Variants in KCNK3 observed in about 807,000 individuals in gnomAD.
KCNK3 encodes potassium two pore domain channel subfamily K member 3.
Under a neutral mutation model 27.3 loss-of-function variants are expected in KCNK3, and 9 were observed. The ratio of observed to expected loss-of-function variants is 0.33; its 90% CI spans 0.20 to 0.57. The LOEUF (loss-of-function observed/expected upper bound fraction) is 0.57. Among genes scored for constraint, KCNK3 ranks in the 20% least tolerant of loss-of-function variants. The pLI, the probability that KCNK3 is intolerant of heterozygous loss-of-function variation, is 0.87. For synonymous variants in KCNK3, 278 were observed against 273.8 expected (o/e 1.02, Z -0.15); for missense variants, 391 against 577.7 (o/e 0.68, Z 3.31).
intron 1 of KCNK3, among the ~76,000 whole-genome samples, chr2:26,724,225 T>C (rs35486562): frequency 0.41 from 62,330 of 152,128 alleles, 14,853 homozygotes; most frequent in Non-Finnish European, 0.53. Flanking sequence ...GGCAATGGGG[T>C]GGGGGGCACC....
Position 26,702,031 on chromosome 2 carries a change from T to G in KCNK3, c.283+8873T>G, listed in dbSNP as rs183748965. Reference sequence around the variant, plus strand: ...TAGGTAAACCTGTGACATGGGGGGGTTTTTGTACAGATTATTTCATCACCG... The same window carrying G: ...TAGGTAAACCTGTGACATGGGGGGGGTTTTGTACAGATTATTTCATCACCG... On this transcript the variant is annotated intron_variant, in intron 1 of 1. Coordinates refer to ENST00000302909, the MANE Select transcript of KCNK3 (RefSeq NM_002246.3). Among the ~76,000 whole-genome samples, 240 of 150,296 alleles carry G rather than the reference T, an allele frequency of 1.6e-3. 1 individual carries two copies. Among genetic ancestry groups the G allele is most frequent in the South Asian group, 4.6e-3 (22 of 4,732 alleles).
chr2:26,716,911 A>G (rs1663240282), intron 1 of KCNK3, among the ~76,000 whole-genome samples: 1 of 152,220 alleles, frequency 6.6e-6, no homozygotes, highest in Admixed American at 6.5e-5. Flanking sequence ...ACTAGGGACT[A>G]TGGACTGAAT....
intron 1 of KCNK3, among the ~76,000 whole-genome samples, chr2:26,704,822 A>C (rs1670352710): frequency 6.6e-6 from 1 of 152,254 alleles, no homozygotes; most frequent in Non-Finnish European, 1.5e-5. Context: ...AACATGGAGC[A>C]GCCGCTCCTC....
At chr2:26,723,557 C>T (rs986145662) in intron 1 of KCNK3, among the ~76,000 whole-genome samples, 13 of 152,344 alleles carry the variant, frequency 8.5e-5, no homozygotes, top group African/African-American at 3.1e-4. Context: ...AGGCCCTGGT[C>T]ATACCTGAGC....
At chr2:26,709,218 C>T (rs1663054412) in intron 1 of KCNK3, among the ~76,000 whole-genome samples, 1 of 152,204 alleles carries the variant, frequency 6.6e-6, no homozygotes, top group Non-Finnish European at 1.5e-5. Context: ...GGCAGTTAGA[C>T]AGATAAGTCT....
rs1447312021 is a variant in KCNK3, at chr2:26,733,349, C to T, written c.*4781C>T. The T allele has an allele frequency of 6.6e-6, 1 of 152,176 alleles. No homozygotes were observed. The highest frequency in any genetic ancestry group is 1.9e-4 in the East Asian group (1 of 5,202). The allele number at this position is 152,176 out of a possible 1,614,324, so 9.4% of individuals were successfully genotyped here. A position where few individuals can be genotyped will look rare whatever the true frequency, so the allele number is the denominator to read the frequency against. ...TCAAATGAATTTGGGAAAATGCTGT[C>T]AATATCACCGACTCATGGAGCTTCG... is the stretch of plus-strand genomic sequence containing the variant. On this transcript the variant is annotated 3_prime_UTR_variant, in exon 2 of 2. Coordinates refer to ENST00000302909, the MANE Select transcript of KCNK3 (RefSeq NM_002246.3).
chr2:26,705,490 G>A (rs920239669), intron 1 of KCNK3, among the ~76,000 whole-genome samples: 1 of 152,128 alleles, frequency 6.6e-6, no homozygotes, highest in African/African-American at 2.4e-5. Context: ...CTGCAATTGA[G>A]GGTCAGTGAA....
rs962570361 is a variant in KCNK3 at position 26,721,577 on chromosome 2, G to C, written c.284-6090G>C. Among the ~76,000 whole-genome samples the C allele has an allele frequency of 2.0e-5, 3 of 152,280 alleles. No homozygotes were observed. The highest frequency in any genetic ancestry group is 2.1e-4 in the South Asian group (1 of 4,822). ...CCTCAGGCGCCTGAGCTGGTTCCTC[G>C]TGGGCCCTCCCCTGGGTGCCCTCTG... On this transcript the variant is annotated intron_variant, in intron 1 of 1. Coordinates refer to ENST00000302909, the MANE Select transcript of KCNK3 (RefSeq NM_002246.3). This position sits in a 1 kb window ranked among gnomAD's most constrained non-coding sequence, Gnocchi z 4.3.
intron 1 of KCNK3, among the ~76,000 whole-genome samples, chr2:26,726,849 G>A (rs780782452): frequency 1.3e-5 from 2 of 152,182 alleles, no homozygotes; most frequent in African/African-American, 4.8e-5. Flanking sequence ...AAGACACCGA[G>A]GGCTCCTGCT....
chr2:26,728,646 C>A lies in KCNK3; in HGVS notation c.*78C>A. 1 of 1,259,514 alleles carries A rather than the reference C, an allele frequency of 7.9e-7. No homozygotes were observed. The highest frequency in any genetic ancestry group is 1.0e-6 in the Non-Finnish European group (1 of 959,944). 78.0% of individuals were successfully genotyped at this position (1,259,514 alleles called of 1,614,324 possible). A position where few individuals can be genotyped will look rare whatever the true frequency, so the allele number is the denominator to read the frequency against. On this transcript the variant is annotated 3_prime_UTR_variant, in exon 2 of 2. Transcript: ENST00000302909. Reference sequence around the variant, plus strand: ...GGAGGCCAGGAGACTGCCCCTGCTGCCTTCTGCCCAGTGGGACCCCGCACA... The same window carrying A: ...GGAGGCCAGGAGACTGCCCCTGCTGACTTCTGCCCAGTGGGACCCCGCACA...
intron 1 of KCNK3, among the ~76,000 whole-genome samples, chr2:26,704,707 G>T (rs1323600676): frequency 6.6e-6 from 1 of 152,210 alleles, no homozygotes; most frequent in Admixed American, 6.5e-5. Flanking sequence ...AGATTCCCTG[G>T]GGCTTTGGGG....
intron 1 of KCNK3, among the ~76,000 whole-genome samples, chr2:26,709,837 G>A (rs1044034425): frequency 1.3e-5 from 2 of 152,104 alleles, no homozygotes; most frequent in Non-Finnish European, 2.9e-5. Context: ...CCAGGAAGCC[G>A]AGTCCGGGCC....
Position 26,721,711 on chromosome 2 carries a change from C to T in KCNK3, c.284-5956C>T, listed in dbSNP as rs576205549. On this transcript the variant is annotated intron_variant, in intron 1 of 1. Coordinates refer to ENST00000302909, the MANE Select transcript of KCNK3 (RefSeq NM_002246.3). This position sits in a 1 kb window ranked among gnomAD's most constrained non-coding sequence, Gnocchi z 4.3. Reference sequence around the variant, plus strand: ...CCTCTGTCTCCCCCAAGCCCGCACTCCTCTCTGGCTGCCACACCAGGCCCA... The same window carrying T: ...CCTCTGTCTCCCCCAAGCCCGCACTTCTCTCTGGCTGCCACACCAGGCCCA... Among the ~76,000 whole-genome samples, 46 of 152,374 alleles carry T rather than the reference C, an allele frequency of 3.0e-4. No homozygotes were observed. Among genetic ancestry groups the T allele is most frequent in the Non-Finnish European group, 5.3e-4 (36 of 68,034 alleles).
intron 1 of KCNK3, among the ~76,000 whole-genome samples, chr2:26,717,478 G>A (rs1217398226): frequency 6.6e-6 from 1 of 152,216 alleles, no homozygotes; most frequent in Non-Finnish European, 1.5e-5. Context: ...AAAAGCATGT[G>A]GGGGAAAACT....
chr2:26,698,282 T>C (rs1000459101), intron 1 of KCNK3, among the ~76,000 whole-genome samples: 2 of 152,136 alleles, frequency 1.3e-5, no homozygotes, highest in African/African-American at 2.4e-5. Flanking sequence ...CCCGTGGGCG[T>C]GCTTCGACCC....
At chr2:26,705,401 C>T (rs1400597108) in intron 1 of KCNK3, among the ~76,000 whole-genome samples, 3 of 152,128 alleles carry the variant, frequency 2.0e-5, no homozygotes, top group Non-Finnish European at 4.4e-5. Flanking sequence ...CTCTGAGCCT[C>T]ATATCAACCC....
At chr2:26,698,736 C>G (rs572292399) in intron 1 of KCNK3, among the ~76,000 whole-genome samples, 15 of 152,154 alleles carry the variant, frequency 9.9e-5, no homozygotes, top group Non-Finnish European at 2.2e-4. Flanking sequence ...CCCCCCATCT[C>G]CCCGCTCCTC....
At chr2:26,719,075 A>G (rs554445957) in intron 1 of KCNK3, among the ~76,000 whole-genome samples, 1 of 152,234 alleles carries the variant, frequency 6.6e-6, no homozygotes, top group Non-Finnish European at 1.5e-5. Flanking sequence ...ATACCTTAAT[A>G]TGTTTAACCA....
intron 1 of KCNK3, among the ~76,000 whole-genome samples, chr2:26,698,264 C>CAGGA (rs148748167): frequency 0.06 from 9,082 of 152,266 alleles, 295 homozygotes; most frequent in Middle Eastern, 0.14. Flanking sequence ...TTCCTGCCCA[C>CAGGA]AGGCTAGCCC....
Sources: allele counts gnomAD v4.1 joint callset (sites outside exome capture counted in the v4.1 genomes callset), GRCh38; gene constraint gnomAD v4.1.1; non-coding constraint Gnocchi (gnomAD v3.1); transcripts MANE v1.5; gene names NCBI Gene and HGNC (gene_info 2026-07-23, HGNC 2026-07-21).